DOCK3: variants seen among roughly 807,000 people sequenced by gnomAD.
The protein encoded by DOCK3 is dedicator of cytokinesis 3.
A neutral mutation model predicts 265.6 loss-of-function variants in DOCK3; 60 were observed. That is an observed-to-expected ratio of 0.23 (90% CI 0.18 to 0.28). DOCK3 has a LOEUF of 0.28. Ranked by LOEUF, DOCK3 falls within the 10% of genes least tolerant of loss-of-function variation. DOCK3 has a pLI of 1.00. For missense variants in DOCK3, 1,981 were observed against 2,594.3 expected, an observed-to-expected ratio of 0.76 and a Z score of 5.14; for synonymous variants, 881 against 938.0, an observed-to-expected ratio of 0.94 and a Z score of 1.11.
chr3:51,076,899 A>G (rs959224859), intron 7 of DOCK3, among the ~76,000 whole-genome samples: 13 of 152,168 alleles, frequency 8.5e-5, no homozygotes, highest in Admixed American at 8.5e-4. Context: ...CCACTAACTC[A>G]TGTTAGTGAG....
rs776032401 is a variant in DOCK3, at chr3:51,312,512, A to G, written c.3130A>G (p.Ile1044Val). The change falls in exon 30 of 53, where the codon ATA (isoleucine) becomes GTA (valine). Residue 1044 changes from isoleucine (I) to valine (V), a missense_variant. Physicochemically the swap from Ile to Val is conservative, Grantham distance 29. Transcript: ENST00000266037. Reference protein sequence around the residue: ...NSYFSLAVLFINQPSLQLEII... With the variant: ...NSYFSLAVLFVNQPSLQLEII... The stretch of plus-strand genomic sequence containing the variant: ...TTACTTTAGCCTGGCAGTTCTATTC[A>G]TAAATCAGCCAAGCCTTCAGCTAGA... 2.5e-6 allele frequency: 4 copies of G among 1,606,872 alleles called. No homozygotes were observed. Among genetic ancestry groups the G allele is most frequent in the Non-Finnish European group, 3.4e-6 (4 of 1,178,494 alleles).
At chr3:51,239,144 T>A (rs1443568288) in intron 21 of DOCK3, among the ~76,000 whole-genome samples, 1 of 152,214 alleles carries the variant, frequency 6.6e-6, no homozygotes, top group Non-Finnish European at 1.5e-5. Flanking sequence ...ATTTTAATCA[T>A]AGCCATTCTG....
chr3:50,837,522 A>T (rs2045579422), intron 2 of DOCK3, among the ~76,000 whole-genome samples: 1 of 152,140 alleles, frequency 6.6e-6, no homozygotes, highest in African/African-American at 2.4e-5. Context: ...GCATGGGGGT[A>T]ACCGCCCCCA....
chr3:50,874,750 G>C (rs937971211), intron 3 of DOCK3, among the ~76,000 whole-genome samples: 4 of 152,046 alleles, frequency 2.6e-5, no homozygotes, highest in African/African-American at 9.7e-5. Context: ...TTCACTGGTA[G>C]TATATGTAAA....
At chr3:51,141,299 G>GTTTT (rs34416506) in intron 9 of DOCK3, among the ~76,000 whole-genome samples, 6 of 142,916 alleles carry the variant, frequency 4.2e-5, no homozygotes, top group Non-Finnish European at 7.6e-5. Context: ...TTCCTGGAGA[G>GTTTT]TTTTTTTTTT....
chr3:50,787,211 C>T (rs1164656996), intron 2 of DOCK3: 1 of 602,010 alleles, frequency 1.7e-6, no homozygotes. Flanking sequence ...TCTGCATGTG[C>T]CTATGAGTAA....
intron 2 of DOCK3, among the ~76,000 whole-genome samples, chr3:50,829,050 A>G (rs2044961967): frequency 6.6e-6 from 1 of 152,118 alleles, no homozygotes; most frequent in Non-Finnish European, 1.5e-5. Flanking sequence ...CCATGCTTTT[A>G]CATGGTTCTA....
chr3:51,011,740 C>G (rs1365938421), intron 5 of DOCK3, among the ~76,000 whole-genome samples: 3 of 152,040 alleles, frequency 2.0e-5, no homozygotes, highest in African/African-American at 7.2e-5. Flanking sequence ...CTGTTTTTTC[C>G]CCATCTTTGT....
intron 4 of DOCK3, among the ~76,000 whole-genome samples, chr3:50,919,868 A>G (rs1391081991): frequency 1.3e-5 from 2 of 152,198 alleles, no homozygotes; most frequent in Non-Finnish European, 2.9e-5. Context: ...CCCATTCAGT[A>G]AGATATTGGC....
At chr3:50,826,280 G>A (rs1379346788) in intron 2 of DOCK3, among the ~76,000 whole-genome samples, 1 of 150,770 alleles carries the variant, frequency 6.6e-6, no homozygotes, top group Admixed American at 6.6e-5. Context: ...ATTTTCAGTT[G>A]TTTACCATCT....
At chr3:51,207,924 A>C (rs943586463) in intron 12 of DOCK3, among the ~76,000 whole-genome samples, 1 of 152,166 alleles carries the variant, frequency 6.6e-6, no homozygotes, top group African/African-American at 2.4e-5. Flanking sequence ...AGATGACCCT[A>C]ATCTTTTTCC....
intron 3 of DOCK3, among the ~76,000 whole-genome samples, chr3:50,887,093 C>G (rs1253252720): frequency 6.6e-6 from 1 of 151,672 alleles, no homozygotes; most frequent in South Asian, 2.1e-4. Flanking sequence ...TTGAAAAGAT[C>G]AACAAAATTG....
At chr3:51,123,863 C>A (rs1487637916) in intron 9 of DOCK3, among the ~76,000 whole-genome samples, 5 of 152,158 alleles carry the variant, frequency 3.3e-5, no homozygotes, top group Admixed American at 1.3e-4. Flanking sequence ...AAACCAAATA[C>A]CAGATGCCAG....
intron 1 of DOCK3, among the ~76,000 whole-genome samples, chr3:50,724,905 A>G (rs2037718140): frequency 6.6e-6 from 1 of 152,108 alleles, no homozygotes; most frequent in Non-Finnish European, 1.5e-5. Flanking sequence ...AGGCAGGAGA[A>G]TCACTTGAAT....
At chr3:51,188,825 C>A (rs1175035450) in intron 12 of DOCK3, among the ~76,000 whole-genome samples, 1 of 1,942 alleles carries the variant, frequency 5.1e-4, no homozygotes, top group East Asian at 0.012. Flanking sequence ...ATCACATTTT[C>A]TTTTCTTATC....
chr3:51,111,898 T>C (rs1023327032), intron 9 of DOCK3, among the ~76,000 whole-genome samples: 1 of 152,106 alleles, frequency 6.6e-6, no homozygotes, highest in African/African-American at 2.4e-5. Flanking sequence ...GCAAAGGACA[T>C]GTACAGTCAC....
At chr3:50,790,338 C>G (rs768329100) in intron 2 of DOCK3, among the ~76,000 whole-genome samples, 38 of 152,196 alleles carry the variant, frequency 2.5e-4, no homozygotes, top group Non-Finnish European at 3.8e-4. Flanking sequence ...CTATTCTGTT[C>G]ATCATTGTGG....
At chr3:51,294,541 G>T (rs901237054) in intron 27 of DOCK3, among the ~76,000 whole-genome samples, 3 of 152,098 alleles carry the variant, frequency 2.0e-5, no homozygotes, top group African/African-American at 7.2e-5. Flanking sequence ...AGCCAGGCGT[G>T]GTGGCAGGTA....
chr3:51,075,469 TC>T (rs774899243), intron 7 of DOCK3, 29 bp downstream of exon 7: 3 of 1,507,868 alleles, frequency 2.0e-6, no homozygotes, highest in Non-Finnish European at 2.7e-6. Flanking sequence ...GGTAGCTTGT[TC>T]CTGCATACCT....
Sources: allele counts gnomAD v4.1 joint callset (sites outside exome capture counted in the v4.1 genomes callset), GRCh38; gene constraint gnomAD v4.1.1; transcripts MANE v1.5; gene names NCBI Gene and HGNC (gene_info 2026-07-23, HGNC 2026-07-21).